PCYT1A: variants seen among roughly 807,000 people sequenced by gnomAD.
PCYT1A encodes the protein choline-phosphate cytidylyltransferase A.
Under a neutral mutation model 43.7 loss-of-function variants are expected in PCYT1A, and 25 were observed. The observed-to-expected ratio is 0.57, with a 90% CI of 0.42 to 0.80. The LOEUF is 0.80. PCYT1A is among the 30% of genes least tolerant of loss of function. The probability of loss-of-function intolerance (pLI) is 0.00; values close to 1 mark genes in which losing one functional copy is unlikely to be tolerated. For missense variants in PCYT1A, 421 were observed against 474.2 expected, an observed-to-expected ratio of 0.89 and a Z score of 1.04; for synonymous variants, 172 against 170.7, an observed-to-expected ratio of 1.01 and a Z score of -0.06.
chr3:196,238,866 C>T lies in PCYT1A; in HGVS notation c.926G>A (p.Arg309Gln), dbSNP rs973487210. 59 of 1,473,080 alleles carry T rather than the reference C, an allele frequency of 4.0e-5. No homozygotes were observed. The highest frequency in any genetic ancestry group is 5.2e-5 in the Non-Finnish European group (58 of 1,111,048). The allele number at this position is 1,473,080 out of a possible 1,614,324, so 91.3% of individuals were successfully genotyped here. Reference protein sequence around the residue: ...LKHMLKEGKGRMLQAISPKQS... With the variant: ...LKHMLKEGKGQMLQAISPKQS... ...CTTCGGGCTGATGGCCTGCAGCATC[C>T]GGCCCTTCCCCTCTTTCAGCATATG... is the stretch of plus-strand genomic sequence containing the variant. The change falls in exon 9 of 9, where the codon CGG becomes CAG. Residue 309 changes from arginine to glutamine, a missense_variant. Coordinates refer to ENST00000431016, the MANE Select transcript of PCYT1A (RefSeq NM_001312673.2).
chr3:196,244,842 G>A (rs1378706978), intron 5 of PCYT1A, among the ~76,000 whole-genome samples: 2 of 152,014 alleles, frequency 1.3e-5, no homozygotes, highest in Non-Finnish European at 2.9e-5. Context: ...AGGGTTAAAT[G>A]GATTAAGGGC....
chr3:196,244,695 T>C (rs1159021002), intron 5 of PCYT1A, among the ~76,000 whole-genome samples: 1 of 152,266 alleles, frequency 6.6e-6, no homozygotes, highest in African/African-American at 2.4e-5. Flanking sequence ...ATTGTTGCTG[T>C]GTCTGTGTAG....
At chr3:196,270,646 T>A in intron 1 of PCYT1A, 105 bp from the exon 2 acceptor site, 2 of 795,196 alleles carry the variant, frequency 2.5e-6, no homozygotes, top group Non-Finnish European at 4.5e-6. Context: ...AAAATACCAA[T>A]TCTACAGCTG....
chr3:196,249,269 C>T (rs1480106078), intron 3 of PCYT1A, among the ~76,000 whole-genome samples: 1 of 151,836 alleles, frequency 6.6e-6, no homozygotes, highest in Non-Finnish European at 1.5e-5. Flanking sequence ...ATCTCAGCCT[C>T]CCAAGTAGAT....
At chr3:196,286,664 A>G (rs140652894) in intron 1 of PCYT1A, among the ~76,000 whole-genome samples, 20 of 152,340 alleles carry the variant, frequency 1.3e-4, no homozygotes, top group Non-Finnish European at 2.5e-4. Context: ...CTGTAATCCC[A>G]GCATTTTGGG....
At chr3:196,244,953 C>T (rs9713073) in intron 5 of PCYT1A, among the ~76,000 whole-genome samples, 17,507 of 150,642 alleles carry the variant, frequency 0.12, 465 homozygotes, top group South Asian at 0.24. Flanking sequence ...ACAAACACTG[C>T]AGAAGGCCGC....
rs758607724 is a variant in PCYT1A at position 196,270,549 on chromosome 3, T to A, written c.-10-8A>T. The A allele has an allele frequency of 1.3e-6, 2 of 1,592,734 alleles. No individual in the cohort carries two copies. Among genetic ancestry groups the A allele is most frequent in the East Asian group, 4.5e-5 (2 of 44,800 alleles). ...GCATCCATCTTCTTTTAACTGGTCA[T>A]AGAAAGTGAAAACAAAAATTTTCTC... On this transcript the variant is annotated splice_region_variant and splice_polypyrimidine_tract_variant and intron_variant, in intron 1 of 8. Coordinates refer to ENST00000431016, the MANE Select transcript of PCYT1A (RefSeq NM_001312673.2).
chr3:196,242,735 A>G lies in PCYT1A; in HGVS notation c.487-95T>C. ...GGCCCAGAAAAAGGACAATAGGCAG[A>G]GGCCAGGCCTCAGTGGACTTCATAT... On this transcript the variant is annotated intron_variant, in intron 5 of 8. Transcript: ENST00000431016. The surrounding 1 kb of genome is among the most constrained non-coding windows in gnomAD (Gnocchi z 4.2). 1.2e-6 allele frequency: 1 copy of G among 818,588 alleles called. No individual in the cohort carries two copies. The highest frequency in any genetic ancestry group is 1.8e-5 in the Admixed American group (1 of 55,270). The allele number at this position is 818,588 out of a possible 1,614,324, so 50.7% of individuals were successfully genotyped here.
intron 1 of PCYT1A, among the ~76,000 whole-genome samples, chr3:196,272,276 C>T (rs191311448): frequency 6.6e-5 from 10 of 152,112 alleles, no homozygotes; most frequent in Non-Finnish European, 1.5e-4. Context: ...CCTCCGCCTC[C>T]CAGGTTCAAG....
At chr3:196,258,022 C>G in intron 2 of PCYT1A, 135 bp from the exon 3 acceptor site, 2 of 560,022 alleles carry the variant, frequency 3.6e-6, no homozygotes, top group Non-Finnish European at 6.3e-6. Context: ...TTTCGTTATT[C>G]CCGCCTGTAA....
chr3:196,264,196 G>A (rs1021120294), intron 2 of PCYT1A, among the ~76,000 whole-genome samples: 1 of 152,058 alleles, frequency 6.6e-6, no homozygotes, highest in Non-Finnish European at 1.5e-5. Context: ...AACACCTTTT[G>A]TCCTTCATAT....
At chr3:196,253,481 C>A (rs1484564338) in intron 3 of PCYT1A, among the ~76,000 whole-genome samples, 1 of 152,114 alleles carries the variant, frequency 6.6e-6, no homozygotes, top group Non-Finnish European at 1.5e-5. Context: ...CAAATGAAGA[C>A]TACTTTGTTG....
At chr3:196,266,461 A>G (rs1725278428) in intron 2 of PCYT1A, among the ~76,000 whole-genome samples, 1 of 152,108 alleles carries the variant, frequency 6.6e-6, no homozygotes, top group South Asian at 2.1e-4. Context: ...CGACAGAGCA[A>G]GACTCCATCT....
rs549829783 is a variant in PCYT1A, at chr3:196,250,389, G to C, written c.218-2066C>G. Reference sequence around the variant, plus strand: ...ATCAGATACACTATGCTGAGGCTGAGGACCAGATACACTATGCTGAGGCTG... The same window carrying C: ...ATCAGATACACTATGCTGAGGCTGACGACCAGATACACTATGCTGAGGCTG... On this transcript the variant is annotated intron_variant, in intron 3 of 8. Coordinates refer to ENST00000431016, the MANE Select transcript of PCYT1A (RefSeq NM_001312673.2). Among the ~76,000 whole-genome samples the C allele has an allele frequency of 8.7e-4, 132 of 151,792 alleles. 1 individual carries two copies. Among genetic ancestry groups the C allele is most frequent in the South Asian group, 1.5e-3 (7 of 4,796 alleles).
At position 196,238,728 on chromosome 3, in the gene PCYT1A, T is replaced by C; in HGVS notation, c.1064A>G (p.Lys355Arg). 1 of 1,589,822 alleles carries C rather than the reference T, an allele frequency of 6.3e-7. No homozygotes were observed. The highest frequency in any genetic ancestry group is 8.6e-7 in the Non-Finnish European group (1 of 1,169,228). The change falls in exon 9 of 9, where the codon AAG becomes AGG. Residue 355 changes from lysine (K) to arginine (R), a missense_variant. Physicochemically the swap from Lys to Arg is conservative, Grantham distance 26. Transcript: ENST00000431016. ...PCSPANLSRH[K>R]AAAYDISEDE... ...CTCACTGATATCATAGGCTGCAGCC[T>C]TGTGCCTGGAGAGATTTGCTGGGGA...
At chr3:196,272,315 G>A (rs548075513) in intron 1 of PCYT1A, among the ~76,000 whole-genome samples, 2 of 152,138 alleles carry the variant, frequency 1.3e-5, no homozygotes, top group Admixed American at 1.3e-4. Context: ...CTCCTGAGTA[G>A]GTGGGATTAC....
chr3:196,238,510 T>C lies in PCYT1A; in HGVS notation c.*178A>G, dbSNP rs370323526. ...AGTCCCCCTCCTTCGTGTGGGTGAGTGATGTCACTTGCAGGACAGGCTGTT... is the reference window on the plus strand; with the variant it reads ...AGTCCCCCTCCTTCGTGTGGGTGAGCGATGTCACTTGCAGGACAGGCTGTT... On this transcript the variant is annotated 3_prime_UTR_variant, in exon 9 of 9. Coordinates refer to ENST00000431016, the MANE Select transcript of PCYT1A (RefSeq NM_001312673.2). 43 of 443,798 alleles carry C rather than the reference T, an allele frequency of 9.7e-5. No individual in the cohort carries two copies. Among genetic ancestry groups the C allele is most frequent in the African/African-American group, 7.5e-4 (37 of 49,010 alleles). 27.5% of individuals were successfully genotyped at this position (443,798 alleles called of 1,614,324 possible).
intron 5 of PCYT1A, among the ~76,000 whole-genome samples, chr3:196,243,600 A>G (rs2108763525): frequency 6.6e-6 from 1 of 151,352 alleles, no homozygotes; most frequent in Non-Finnish European, 1.5e-5. Context: ...GCTGGACTGT[A>G]CTGCCGCCAT....
At chr3:196,257,332 A>C (rs1724980627) in intron 3 of PCYT1A, among the ~76,000 whole-genome samples, 1 of 152,228 alleles carries the variant, frequency 6.6e-6, no homozygotes, top group Non-Finnish European at 1.5e-5. Flanking sequence ...AGTAAAAATA[A>C]AATTAAGTGA....
Sources: gnomAD v4.1 joint callset for allele counts (sites outside exome capture counted in the v4.1 genomes callset) on GRCh38, gnomAD v4.1.1 for gene constraint, Gnocchi (gnomAD v3.1) non-coding constraint, MANE v1.5 for transcripts, NCBI Gene and HGNC (gene_info 2026-07-23, HGNC 2026-07-21) for gene names.